The following C12orf42 variants were observed in gnomAD, a reference collection of about 807,000 sequenced individuals.
C12orf42 encodes the protein uncharacterized protein C12orf42.
C12orf42 carries 25 observed loss-of-function variants against 21.6 expected under a neutral mutation model. The ratio of observed to expected loss-of-function variants is 1.16; its 90% CI spans 0.84 to 1.62. C12orf42 has a LOEUF of 1.62. Ranked by LOEUF, C12orf42 falls within the 40% of genes most tolerant of loss-of-function variation. C12orf42 has a pLI of 0.00. For synonymous variants in C12orf42, 174 were observed against 175.0 expected, an observed-to-expected ratio of 0.99 and a Z score of 0.05; for missense variants, 483 against 459.3, an observed-to-expected ratio of 1.05 and a Z score of -0.47.
intron 4 of C12orf42, among the ~76,000 whole-genome samples, chr12:103,319,060 T>C (rs374431657): frequency 1.3e-5 from 2 of 152,182 alleles, no homozygotes; most frequent in East Asian, 1.9e-4. Context: ...AAGTCTTTCA[T>C]TCTCCCCACT....
At chr12:103,510,433 C>A in the C12orf42 span, among the ~76,000 whole-genome samples, 3 of 151,868 alleles carry the variant, frequency 2.0e-5, 1 homozygote, top group South Asian at 4.1e-4. Flanking sequence ...ATGGGCACAC[C>A]AAAATCTCAC....
At chr12:103,094,783 T>A in the C12orf42 span, among the ~76,000 whole-genome samples, 2 of 152,176 alleles carry the variant, frequency 1.3e-5, no homozygotes, top group South Asian at 4.1e-4. Context: ...TCATTAAATA[T>A]CTGTGGTTTG....
chr12:103,413,892 T>A (rs896786102), intron 2 of C12orf42, among the ~76,000 whole-genome samples: 1 of 152,184 alleles, frequency 6.6e-6, no homozygotes, highest in Non-Finnish European at 1.5e-5. Context: ...ATAATTTTCT[T>A]TATCCACTCA....
the C12orf42 span, among the ~76,000 whole-genome samples, chr12:103,086,711 T>C: frequency 1.3e-5 from 2 of 152,018 alleles, no homozygotes; most frequent in African/African-American, 4.8e-5. Context: ...TTAATACATA[T>C]GTTTCTGATT....
chr12:103,524,900 G>A, the C12orf42 span, among the ~76,000 whole-genome samples: 1 of 129,870 alleles, frequency 7.7e-6, no homozygotes, highest in Non-Finnish European at 1.6e-5. Context: ...CTGACTCCAA[G>A]CAATGTTGTC....
chr12:103,062,927 G>T, the C12orf42 span, among the ~76,000 whole-genome samples: 1 of 151,522 alleles, frequency 6.6e-6, no homozygotes, highest in Non-Finnish European at 1.5e-5. Flanking sequence ...TTTTTATGCC[G>T]TTGGCTGCTT....
chr12:103,096,185 C>A, the C12orf42 span, among the ~76,000 whole-genome samples: 9 of 152,226 alleles, frequency 5.9e-5, no homozygotes, highest in East Asian at 1.7e-3. Flanking sequence ...AATCAGGTGC[C>A]ATCTGAAAGT....
the C12orf42 span, among the ~76,000 whole-genome samples, chr12:103,118,863 G>A: frequency 1.4e-5 from 2 of 143,562 alleles, no homozygotes; most frequent in Admixed American, 1.4e-4. Context: ...GGAAATTAAA[G>A]TTTTTAATAC....
the C12orf42 span, among the ~76,000 whole-genome samples, chr12:103,066,405 C>A: frequency 6.6e-6 from 1 of 152,190 alleles, no homozygotes; most frequent in Non-Finnish European, 1.5e-5. Flanking sequence ...GCCTTATCTC[C>A]CCCATCCTGC....
chr12:103,327,469 G>T (rs930197056), intron 4 of C12orf42, among the ~76,000 whole-genome samples: 5 of 152,164 alleles, frequency 3.3e-5, no homozygotes, highest in African/African-American at 1.2e-4. Context: ...ACCACACTTG[G>T]AGAAAAAGTG....
At chr12:103,068,934 CATATAT>C in the C12orf42 span, among the ~76,000 whole-genome samples, 650 of 47,854 alleles carry the variant, frequency 0.014, 14 homozygotes, top group African/African-American at 0.021. Context: ...TCTCTCTCCA[CATATAT>C]ATATATATAT....
chr12:103,220,149 C>T, the C12orf42 span, among the ~76,000 whole-genome samples: 4 of 152,098 alleles, frequency 2.6e-5, no homozygotes, highest in Non-Finnish European at 4.4e-5. Context: ...TCTCAGCAAA[C>T]TAACACAGGA....
chr12:103,295,160 G>A (rs1337939471), intron 4 of C12orf42, among the ~76,000 whole-genome samples: 1 of 152,092 alleles, frequency 6.6e-6, no homozygotes, highest in South Asian at 2.1e-4. Flanking sequence ...TCTTCTTGAG[G>A]TTGAGTCTTC....
chr12:103,139,971 T>C, the C12orf42 span, among the ~76,000 whole-genome samples: 1 of 152,192 alleles, frequency 6.6e-6, no homozygotes, highest in Non-Finnish European at 1.5e-5. Context: ...CCTCATCTCA[T>C]TGCTCTGTAG....
chr12:103,266,204 A>G (rs1204400584), downstream of C12orf42, among the ~76,000 whole-genome samples: 1 of 152,180 alleles, frequency 6.6e-6, no homozygotes, highest in Non-Finnish European at 1.5e-5. Context: ...ACTATAAGAA[A>G]AATTGTATTT....
At chr12:103,328,435 T>C (rs937139712) in intron 4 of C12orf42, among the ~76,000 whole-genome samples, 1 of 152,090 alleles carries the variant, frequency 6.6e-6, no homozygotes, top group Non-Finnish European at 1.5e-5. Context: ...TAACAAACTA[T>C]CCTATATCCA....
intron 3 of C12orf42, among the ~76,000 whole-genome samples, chr12:103,374,746 T>C (rs2045549323): frequency 6.6e-6 from 1 of 152,172 alleles, no homozygotes; most frequent in African/African-American, 2.4e-5. Context: ...TTCAAAGCTG[T>C]CCTGGGCTGC....
At chr12:103,247,280 C>G (rs1445778572) in intron 10 of C12orf42, among the ~76,000 whole-genome samples, 1 of 149,734 alleles carries the variant, frequency 6.7e-6, no homozygotes, top group Non-Finnish European at 1.5e-5. Context: ...CAACAAAGTT[C>G]TTTGCAGTTT....
At chr12:103,189,801 C>G in the C12orf42 span, among the ~76,000 whole-genome samples, 1 of 152,228 alleles carries the variant, frequency 6.6e-6, no homozygotes, top group Admixed American at 6.5e-5. Context: ...TGCCTATGGA[C>G]TTCAGCAGCA....
Sources: gnomAD v4.1 joint callset for allele counts (sites outside exome capture counted in the v4.1 genomes callset) on GRCh38, gnomAD v4.1.1 for gene constraint, MANE v1.5 for transcripts, NCBI Gene and HGNC (gene_info 2026-07-23, HGNC 2026-07-21) for gene names.